Variants in IL1RL2 observed in about 807,000 individuals in gnomAD.
The protein encoded by IL1RL2 is interleukin-1 receptor-like 2.
A neutral mutation model predicts 66.8 loss-of-function variants in IL1RL2; 68 were observed. The ratio of observed to expected loss-of-function variants is 1.02; its 90% CI spans 0.84 to 1.25. The LOEUF (loss-of-function observed/expected upper bound fraction) is 1.25. Ranked by LOEUF, IL1RL2 falls within the 50% of genes most tolerant of loss-of-function variation. IL1RL2 has a pLI of 0.00. For synonymous variants in IL1RL2, 305 were observed against 264.6 expected (o/e 1.15, Z -1.48); for missense variants, 729 against 709.3 (o/e 1.03, Z -0.32).
intron 5 of IL1RL2, among the ~76,000 whole-genome samples, chr2:102,209,790 CT>C (rs1689001671): frequency 6.6e-6 from 1 of 152,108 alleles, no homozygotes; most frequent in African/African-American, 2.4e-5. Context: ...ACTTAGGAGG[CT>C]GATAAAATAT....
chr2:102,197,453 G>A (rs115757185), intron 4 of IL1RL2, among the ~76,000 whole-genome samples: 2,207 of 152,304 alleles, frequency 0.014, 36 homozygotes, highest in East Asian at 0.077. Flanking sequence ...TTCCAGTTAA[G>A]ATAGAAAAGT....
chr2:102,208,470 G>A (rs546221933), intron 5 of IL1RL2, among the ~76,000 whole-genome samples: 2 of 152,376 alleles, frequency 1.3e-5, no homozygotes, highest in South Asian at 4.1e-4. Flanking sequence ...AGTTCCTGCT[G>A]TGGTGGCTTT....
At chr2:102,222,618 T>C (rs1690239145) in intron 8 of IL1RL2, among the ~76,000 whole-genome samples, 1 of 152,126 alleles carries the variant, frequency 6.6e-6, no homozygotes, top group Non-Finnish European at 1.5e-5. Context: ...GGTGGGTCTT[T>C]TGTGAGCTCA....
chr2:102,215,365 C>A (rs1465014377), intron 6 of IL1RL2, among the ~76,000 whole-genome samples: 1 of 152,182 alleles, frequency 6.6e-6, no homozygotes, highest in Non-Finnish European at 1.5e-5. Context: ...GTCATTTCAC[C>A]ATGTTCATAC....
At chr2:102,189,430 T>G (rs1007109084) in intron 3 of IL1RL2, 120 bp downstream of exon 3, 2 of 659,302 alleles carry the variant, frequency 3.0e-6, no homozygotes, top group Non-Finnish European at 5.0e-6. Context: ...GTTTTTATAA[T>G]TGCTACAAGA....
At chr2:102,191,152 T>G (rs1224018281) in intron 3 of IL1RL2, among the ~76,000 whole-genome samples, 2 of 152,210 alleles carry the variant, frequency 1.3e-5, no homozygotes, top group Non-Finnish European at 2.9e-5. Context: ...CTAAACCATT[T>G]TTTAAACCAT....
chr2:102,231,877 A>G (rs1010932917), intron 9 of IL1RL2, among the ~76,000 whole-genome samples: 2 of 152,148 alleles, frequency 1.3e-5, no homozygotes, highest in African/African-American at 4.8e-5. Flanking sequence ...GTAGTGATGG[A>G]ATTCACTGGT....
At chr2:102,214,928 T>A (rs190777031) in intron 6 of IL1RL2, among the ~76,000 whole-genome samples, 45 of 150,324 alleles carry the variant, frequency 3.0e-4, no homozygotes, top group Admixed American at 2.0e-3. Context: ...GAGTGCAGCA[T>A]GGAAATGATG....
downstream of IL1RL2, chr2:102,240,044 C>T (rs1003254353): frequency 1.3e-5 from 2 of 152,328 alleles, no homozygotes; most frequent in South Asian, 4.1e-4. Context: ...AAATCACAAA[C>T]ATTTTCTTAT....
In IL1RL2 at chr2:102,219,865, C is replaced by T; in HGVS notation, c.855-16C>T. The T allele has an allele frequency of 2.5e-6, 4 of 1,595,450 alleles. No homozygotes were observed. The highest frequency in any genetic ancestry group is 3.4e-6 in the Non-Finnish European group (4 of 1,164,252). On this transcript the variant is annotated splice_polypyrimidine_tract_variant and intron_variant, in intron 7 of 11. Coordinates refer to ENST00000264257, the MANE Select transcript of IL1RL2 (RefSeq NM_003854.4). ...ATCTGACTCATGTATTAATGACTTACTCTTTTCTTTTATAGAACCCATGTC... is the reference window on the plus strand; with the variant it reads ...ATCTGACTCATGTATTAATGACTTATTCTTTTCTTTTATAGAACCCATGTC...
chr2:102,212,075 A>G (rs745612709), intron 5 of IL1RL2, 25 bp from the exon 6 acceptor site: 10 of 1,576,996 alleles, frequency 6.3e-6, no homozygotes, highest in South Asian at 4.4e-5. Context: ...TTCTAATGCA[A>G]TTTCCTGTGG....
Position 102,239,273 on chromosome 2 carries a change from A to T in IL1RL2, c.*32A>T. 6.2e-7 allele frequency: 1 copy of T among 1,606,614 alleles called. No homozygotes were observed. On this transcript the variant is annotated 3_prime_UTR_variant, in exon 12 of 12. Coordinates refer to ENST00000264257, the MANE Select transcript of IL1RL2 (RefSeq NM_003854.4). Reference sequence around the variant, plus strand: ...CTGGACTGACACCTATGGCTGGAAGATGACTTGTTTTGCTCCATGTCTCCT... The same window carrying T: ...CTGGACTGACACCTATGGCTGGAAGTTGACTTGTTTTGCTCCATGTCTCCT...
At chr2:102,195,645 C>CTCTCTCTCTTTCTTTCTT (rs1559530440) in intron 4 of IL1RL2, among the ~76,000 whole-genome samples, 2 of 20,236 alleles carry the variant, frequency 9.9e-5, no homozygotes, top group Admixed American at 6.7e-4. Flanking sequence ...CTCTCTCTCT[C>CTCTCTCTCTTTCTTTCTT]TCTTTCTTTC....
chr2:102,240,888 G>C (rs576552729), downstream of IL1RL2, among the ~76,000 whole-genome samples: 1 of 152,378 alleles, frequency 6.6e-6, no homozygotes, highest in East Asian at 1.9e-4. Context: ...AGCTCACTGG[G>C]TGAAGGACCT....
chr2:102,187,818 G>A (rs371307018), intron 1 of IL1RL2, 38 bp from the exon 2 acceptor site: 2 of 1,534,678 alleles, frequency 1.3e-6, no homozygotes, highest in African/African-American at 1.4e-5. Context: ...CCGCCCTACT[G>A]CGTCCTCCCC....
At position 102,212,086 on chromosome 2, in the gene IL1RL2, G is replaced by A. The variant is rs1008078972; in HGVS notation, c.650-14G>A. The A allele has an allele frequency of 6.2e-7, 1 of 1,600,464 alleles. No homozygotes were observed. Among genetic ancestry groups the A allele is most frequent in the East Asian group, 2.2e-5 (1 of 44,784 alleles). On this transcript the variant is annotated splice_polypyrimidine_tract_variant and intron_variant, in intron 5 of 11. Coordinates refer to ENST00000264257, the MANE Select transcript of IL1RL2 (RefSeq NM_003854.4). ...GTGATTCTAATGCAATTTCCTGTGG[G>A]TATGATTTCTTAGCAGAAAGAGCTG...
At chr2:102,200,950 T>C (rs1688201776) in intron 4 of IL1RL2, among the ~76,000 whole-genome samples, 1 of 152,078 alleles carries the variant, frequency 6.6e-6, no homozygotes, top group Admixed American at 6.6e-5. Context: ...ACCTTCAAAT[T>C]GGATGTTGGT....
intron 8 of IL1RL2, 120 bp from the exon 9 acceptor site, chr2:102,225,778 A>C: frequency 1.5e-6 from 1 of 686,726 alleles, no homozygotes; most frequent in Non-Finnish European, 2.1e-6. Context: ...GCCCTCATTG[A>C]CATCCAAAAC....
At chr2:102,208,174 T>C (rs1274971044) in intron 5 of IL1RL2, among the ~76,000 whole-genome samples, 5 of 152,240 alleles carry the variant, frequency 3.3e-5, no homozygotes, top group South Asian at 2.1e-4. Flanking sequence ...TTTTCTGTGA[T>C]ACAGATTTAA....
Sources: allele counts gnomAD v4.1 joint callset (sites outside exome capture counted in the v4.1 genomes callset), GRCh38; gene constraint gnomAD v4.1.1; transcripts MANE v1.5; gene names NCBI Gene and HGNC (gene_info 2026-07-23, HGNC 2026-07-21).